CHD7: variants seen among roughly 807,000 people sequenced by gnomAD.
The protein encoded by CHD7 is chromodomain helicase DNA binding protein 7.
CHD7 carries 24 observed loss-of-function variants against 307.3 expected under a neutral mutation model. That is an observed-to-expected ratio of 0.08 (90% CI 0.06 to 0.11). The LOEUF is 0.11. Among genes scored for constraint, CHD7 ranks in the 10% least tolerant of loss-of-function variants. The pLI, the probability that CHD7 is intolerant of heterozygous loss-of-function variation, is 1.00. For missense variants in CHD7, 3,106 were observed against 3,727.1 expected, an observed-to-expected ratio of 0.83 and a Z score of 4.34; for synonymous variants, 1,363 against 1,349.9, an observed-to-expected ratio of 1.01 and a Z score of -0.21.
intron 2 of CHD7, among the ~76,000 whole-genome samples, chr8:60,756,553 C>T (rs1469812311): frequency 6.6e-6 from 1 of 152,146 alleles, no homozygotes; most frequent in Non-Finnish European, 1.5e-5. Context: ...TGGTGTGCAC[C>T]TGTAGCCCAG....
At chr8:60,809,686 A>AAAAAAAAAG (rs1554594674) in intron 7 of CHD7, 2 of 140,166 alleles carry the variant, frequency 1.4e-5, no homozygotes. Context: ...AAAAAAAAAA[A>AAAAAAAAAG]AAAAAAAAGA....
chr8:60,806,190 G>A (rs189615782), intron 6 of CHD7, among the ~76,000 whole-genome samples: 2 of 152,048 alleles, frequency 1.3e-5, no homozygotes, highest in South Asian at 2.1e-4. Context: ...GTGAAACCCC[G>A]TCTCTACTAA....
chr8:60,838,899 G>A (rs143033891), intron 19 of CHD7, among the ~76,000 whole-genome samples: 35 of 152,310 alleles, frequency 2.3e-4, no homozygotes, highest in African/African-American at 6.7e-4. Flanking sequence ...GGCCCACTCT[G>A]TACTTTTATT....
chr8:60,839,313 T>C (rs1434033133), intron 19 of CHD7, among the ~76,000 whole-genome samples: 3 of 152,242 alleles, frequency 2.0e-5, no homozygotes, highest in Admixed American at 6.5e-5. Context: ...ATTGTATGGG[T>C]ATACCACCTT....
intron 23 of CHD7, among the ~76,000 whole-genome samples, 178 bp downstream of exon 23, chr8:60,845,587 C>T (rs568385180): frequency 5.3e-5 from 8 of 152,232 alleles, no homozygotes; most frequent in African/African-American, 1.4e-4. Context: ...CATACTCCCG[C>T]GGATATGGAG....
intron 3 of CHD7, among the ~76,000 whole-genome samples, chr8:60,784,969 C>G (rs112530153): frequency 1.3e-5 from 2 of 152,130 alleles, no homozygotes; most frequent in South Asian, 4.1e-4. Context: ...GTTGTCCTTA[C>G]AGCTTTCAAA....
In CHD7 at chr8:60,741,426, G is replaced by A. The variant is rs770808282; in HGVS notation, c.-7G>A. 148 of 1,593,398 alleles carry A rather than the reference G, an allele frequency of 9.3e-5. No homozygotes were observed. The highest frequency in any genetic ancestry group is 1.2e-4 in the Non-Finnish European group (139 of 1,168,696). ...TGTGGTTTGGAGGAGCCGTGTGTTG[G>A]AAGAAGATGGCAGATCCAGGAATGA... is the stretch of plus-strand genomic sequence containing the variant. On this transcript the variant is annotated 5_prime_UTR_variant, in exon 2 of 38. Transcript: ENST00000423902.
rs1805422896 is a variant in CHD7 at position 60,679,078 on chromosome 8, A to T, written c.-179A>T. On this transcript the variant is annotated 5_prime_UTR_variant, in exon 1 of 38. Transcript: ENST00000423902. ...ACTAGGCAGCGGAGGAGCCCGACCGACCCGGTGAGCGCGAGAGTTCGCCCG... is the reference window on the plus strand; with the variant it reads ...ACTAGGCAGCGGAGGAGCCCGACCGTCCCGGTGAGCGCGAGAGTTCGCCCG... 1 of 149,730 alleles carries T rather than the reference A, an allele frequency of 6.7e-6. No individual in the cohort carries two copies. The highest frequency in any genetic ancestry group is 1.8e-4 in the South Asian group (1 of 5,510). The allele number at this position is 149,730 out of a possible 1,614,324, so 9.3% of individuals were successfully genotyped here. A position where few individuals can be genotyped will look rare whatever the true frequency, so the allele number is the denominator to read the frequency against.
At chr8:60,793,313 G>C (rs961482799) in intron 3 of CHD7, among the ~76,000 whole-genome samples, 3 of 151,926 alleles carry the variant, frequency 2.0e-5, no homozygotes, top group African/African-American at 7.2e-5. Flanking sequence ...TTTAGAGCAC[G>C]GCCTTTTTTC....
rs189759775 is a variant in CHD7, at chr8:60,800,804, A to C, written c.2376+279A>C. ...GAGGAAGAGTCAGAGTTGGAATATA[A>C]GGAGGCTGAATATACCTCTGAGAAT... On this transcript the variant is annotated intron_variant, in intron 5 of 37. Coordinates refer to ENST00000423902, the MANE Select transcript of CHD7 (RefSeq NM_017780.4). 5.9e-5 allele frequency among the ~76,000 whole-genome samples: 9 copies of C among 152,354 alleles called. No individual in the cohort carries two copies. The East Asian group carries it at 1.7e-3, about 29-fold the overall frequency.
At chr8:60,680,211 A>G (rs1211720813) in intron 1 of CHD7, among the ~76,000 whole-genome samples, 3 of 151,630 alleles carry the variant, frequency 2.0e-5, no homozygotes, top group South Asian at 2.1e-4. Context: ...TTGGAGCGTG[A>G]ACGGCCGAGG....
chr8:60,741,672 G>A lies in CHD7; in HGVS notation c.240G>A (p.Met80Ile), dbSNP rs199675125. 2.7e-5 allele frequency: 43 copies of A among 1,613,860 alleles called. No individual in the cohort carries two copies. The African/African-American group carries it at 4.7e-4, about 18-fold the overall frequency. ...DHYNQYEQQKMHLMDQPNRMM... is the reference protein window; with the variant it reads ...DHYNQYEQQKIHLMDQPNRMM... Reference sequence around the variant, plus strand: ...ATAATCAGTATGAACAACAAAAGATGCATCTGATGGATCAGCCGAACAGAA... The same window carrying A: ...ATAATCAGTATGAACAACAAAAGATACATCTGATGGATCAGCCGAACAGAA... Residue 80 changes from methionine (M) to isoleucine (I), a missense_variant, in exon 2 of 38, where the codon ATG becomes ATA. This residue lies in a region of CHD7 where 998 missense variants were observed against 1,004.5 expected (regional missense o/e 0.99). Coordinates refer to ENST00000423902, the MANE Select transcript of CHD7 (RefSeq NM_017780.4).
intron 1 of CHD7, among the ~76,000 whole-genome samples, chr8:60,721,760 G>A (rs1005658699): frequency 1.3e-5 from 2 of 152,208 alleles, no homozygotes; most frequent in African/African-American, 4.8e-5. Context: ...ATGGTGTGTC[G>A]GAGAGGCTTC....
chr8:60,729,647 G>T (rs139145163), intron 1 of CHD7, among the ~76,000 whole-genome samples: 1 of 152,152 alleles, frequency 6.6e-6, no homozygotes, highest in Non-Finnish European at 1.5e-5. Context: ...TAGGTGCCTG[G>T]TTCTGTTTGT....
At chr8:60,717,335 A>G (rs924559638) in intron 1 of CHD7, among the ~76,000 whole-genome samples, 1 of 152,228 alleles carries the variant, frequency 6.6e-6, no homozygotes, top group Non-Finnish European at 1.5e-5. Context: ...AGACTTAGCA[A>G]TAACTTTGTG....
intron 1 of CHD7, among the ~76,000 whole-genome samples, chr8:60,695,128 C>T (rs568429143): frequency 6.6e-6 from 1 of 151,958 alleles, no homozygotes; most frequent in South Asian, 2.1e-4. Flanking sequence ...AGCCTCCTTT[C>T]GAGAGAAGTA....
intron 19 of CHD7, among the ~76,000 whole-genome samples, 161 bp from the exon 20 acceptor site, chr8:60,841,483 G>T (rs187882250): frequency 1.3e-5 from 2 of 152,336 alleles, no homozygotes; most frequent in East Asian, 3.9e-4. Flanking sequence ...TGGTCAGTGA[G>T]CTGCCTGAGG....
chr8:60,708,122 G>T (rs1469553710), intron 1 of CHD7, among the ~76,000 whole-genome samples: 1 of 152,188 alleles, frequency 6.6e-6, no homozygotes, highest in Non-Finnish European at 1.5e-5. Context: ...GAAGAATTTG[G>T]TCTAGGAGAA....
intron 1 of CHD7, among the ~76,000 whole-genome samples, chr8:60,717,718 C>T (rs1385426599): frequency 8.8e-6 from 1 of 114,270 alleles, no homozygotes; most frequent in Non-Finnish European, 1.8e-5. Context: ...TATAATGGAG[C>T]TGAAAAATTC....
Sources: gnomAD v4.1 joint callset for allele counts (sites outside exome capture counted in the v4.1 genomes callset) on GRCh38, gnomAD v4.1.1 for gene constraint, gnomAD v4.1.1 regional missense constraint, MANE v1.5 for transcripts, NCBI Gene and HGNC (gene_info 2026-07-23, HGNC 2026-07-21) for gene names.